Variants in IQCK observed in about 807,000 individuals in gnomAD.
IQCK encodes IQ motif containing K.
A neutral mutation model predicts 28.1 loss-of-function variants in IQCK; 29 were observed. The ratio of observed to expected loss-of-function variants is 1.03; its 90% CI spans 0.77 to 1.41. The LOEUF is 1.41. Ranked by LOEUF, IQCK falls within the 40% of genes most tolerant of loss-of-function variation. The pLI, the probability that IQCK is intolerant of heterozygous loss-of-function variation, is 0.00. For synonymous variants in IQCK, 113 were observed against 115.1 expected (o/e 0.98, Z 0.12); for missense variants, 359 against 314.7 (o/e 1.14, Z -1.07).
intron 7 of IQCK, among the ~76,000 whole-genome samples, chr16:19,822,001 G>C (rs1282045725): frequency 6.8e-6 from 1 of 147,150 alleles, no homozygotes; most frequent in African/African-American, 2.6e-5. Flanking sequence ...GGGAGGTGGA[G>C]GTTGCAGTGA....
intron 7 of IQCK, among the ~76,000 whole-genome samples, chr16:19,823,870 T>TTGCA (rs2056107742): frequency 6.6e-6 from 1 of 151,740 alleles, no homozygotes; most frequent in Admixed American, 6.6e-5. Context: ...GAGGCGGAGG[T>TTGCA]TGCAGTGAGG....
chr16:19,762,871 C>G (rs2151709036), intron 4 of IQCK, among the ~76,000 whole-genome samples: 1 of 152,138 alleles, frequency 6.6e-6, no homozygotes, highest in South Asian at 2.1e-4. Flanking sequence ...CAAAAATTAG[C>G]CAGGCGTGGT....
chr16:19,726,721 G>A (rs910749594), intron 1 of IQCK, among the ~76,000 whole-genome samples: 2 of 152,124 alleles, frequency 1.3e-5, no homozygotes, highest in South Asian at 2.1e-4. Flanking sequence ...AGTAACTTAC[G>A]ATATGGTTGG....
chr16:19,748,018 T>C (rs185716701), intron 4 of IQCK, among the ~76,000 whole-genome samples: 12 of 151,536 alleles, frequency 7.9e-5, no homozygotes, highest in Admixed American at 7.9e-4. Context: ...AAAGATTAAA[T>C]GAGCTAATGT....
In IQCK at chr16:19,730,482, G is replaced by A. The variant is rs1977797359; in HGVS notation, c.234G>A (p.Glu78=). 3.7e-6 allele frequency: 6 copies of A among 1,607,898 alleles called. No homozygotes were observed. The East Asian group carries it at 1.1e-4, about 30-fold the overall frequency. The change falls in exon 2 of 8, where the codon GAG becomes GAA. Residue 78 remains glutamate, a synonymous_variant. Coordinates refer to ENST00000564186, the Ensembl canonical transcript of IQCK. ...CAGAAGGATATAAAGTCAAACAGGA[G>A]CCTGTGATTACGGTGAGTATTACCT...
At chr16:19,740,422 G>A (rs1035413340) in intron 4 of IQCK, among the ~76,000 whole-genome samples, 11 of 152,194 alleles carry the variant, frequency 7.2e-5, no homozygotes, top group Non-Finnish European at 1.5e-4. Context: ...GGGTTGAAGA[G>A]TGGTCCCAGA....
intron 4 of IQCK, among the ~76,000 whole-genome samples, chr16:19,756,208 A>G (rs2055050034): frequency 6.6e-6 from 1 of 152,090 alleles, no homozygotes; most frequent in Non-Finnish European, 1.5e-5. Context: ...ATAGTTCACC[A>G]TATTCTTTTG....
chr16:19,820,231 A>T (rs2056051444), intron 7 of IQCK, among the ~76,000 whole-genome samples: 1 of 152,168 alleles, frequency 6.6e-6, no homozygotes, highest in South Asian at 2.1e-4. Flanking sequence ...AGATAATTTC[A>T]GGCCAGGCGC....
chr16:19,748,752 A>G (rs2151697006), intron 4 of IQCK, among the ~76,000 whole-genome samples: 1 of 152,306 alleles, frequency 6.6e-6, no homozygotes, highest in South Asian at 2.1e-4. Context: ...TTCTGAAAAT[A>G]CTAGTACCTT....
At chr16:19,820,466 G>A (rs1015743755) in intron 7 of IQCK, among the ~76,000 whole-genome samples, 11 of 152,038 alleles carry the variant, frequency 7.2e-5, no homozygotes, top group Non-Finnish European at 5.9e-5. Flanking sequence ...TGGCTAACAT[G>A]GTGAAACCCC....
chr16:19,802,942 C>T lies in IQCK; in HGVS notation c.690+14020C>T, dbSNP rs373966341. Among the ~76,000 whole-genome samples, 29 of 152,138 alleles carry T rather than the reference C, an allele frequency of 1.9e-4. No individual in the cohort carries two copies. In the South Asian group the frequency reaches 2.7e-3, roughly 14 times the overall value. On this transcript the variant is annotated intron_variant, in intron 7 of 7. Transcript: ENST00000564186. ...GAGGAATAAACACATACGACTTTTACGTAAGACTCGTTTATTTGAACCTAT... is the reference window on the plus strand; with the variant it reads ...GAGGAATAAACACATACGACTTTTATGTAAGACTCGTTTATTTGAACCTAT...
At chr16:19,807,037 T>C (rs1056696290) in intron 7 of IQCK, among the ~76,000 whole-genome samples, 1 of 152,220 alleles carries the variant, frequency 6.6e-6, no homozygotes, top group African/African-American at 2.4e-5. Flanking sequence ...GTGTGCCACA[T>C]CCAAGATTAG....
At chr16:19,751,526 A>T (rs911814575) in intron 4 of IQCK, among the ~76,000 whole-genome samples, 1 of 152,116 alleles carries the variant, frequency 6.6e-6, no homozygotes, top group Admixed American at 6.6e-5. Flanking sequence ...TGTTTGAAGG[A>T]GGGAGGCAAA....
chr16:19,837,238 A>C (rs1305745779), intron 9 of IQCK, among the ~76,000 whole-genome samples: 1 of 151,976 alleles, frequency 6.6e-6, no homozygotes, highest in Non-Finnish European at 1.5e-5. Flanking sequence ...CTATCTCTAC[A>C]AAAAATATGA....
At chr16:19,768,968 G>A (rs958700811) in intron 6 of IQCK, among the ~76,000 whole-genome samples, 2 of 152,144 alleles carry the variant, frequency 1.3e-5, no homozygotes. Flanking sequence ...TAGTTAAGAT[G>A]TCACAGGGGG....
At chr16:19,764,354 C>G (rs1236238738) in intron 6 of IQCK, 1 of 375,918 alleles carries the variant, frequency 2.7e-6, no homozygotes, top group Non-Finnish European at 4.8e-6. Flanking sequence ...AATTATTATC[C>G]TAAGTAATTT....
In IQCK at chr16:19,735,323, G is replaced by A. The variant is rs1353771990; in HGVS notation, c.377-30G>A. 8.5e-6 allele frequency: 13 copies of A among 1,523,276 alleles called. No homozygotes were observed. The African/African-American group carries it at 9.6e-5, about 11-fold the overall frequency. 94.4% of individuals were successfully genotyped at this position (1,523,276 alleles called of 1,614,324 possible). A position where few individuals can be genotyped will look rare whatever the true frequency, so the allele number is the denominator to read the frequency against. On this transcript the variant is annotated intron_variant, in intron 3 of 7. Transcript: ENST00000564186. ...GATTGGCTCGGGCCACTGGGGATTT[G>A]CAGGGGGAATTTTTGTTTGTTTGTT...
At chr16:19,762,729 C>T (rs2055166429) in intron 4 of IQCK, among the ~76,000 whole-genome samples, 1 of 152,122 alleles carries the variant, frequency 6.6e-6, no homozygotes, top group Non-Finnish European at 1.5e-5. Flanking sequence ...CCACTTATAA[C>T]TTTGGCCGGG....
chr16:19,768,663 T>C (rs542208053), intron 6 of IQCK, among the ~76,000 whole-genome samples: 40 of 152,264 alleles, frequency 2.6e-4, no homozygotes, highest in African/African-American at 9.1e-4. Flanking sequence ...GGAGATTTGC[T>C]TGAACCCAGG....
Sources: allele counts gnomAD v4.1 joint callset (sites outside exome capture counted in the v4.1 genomes callset), GRCh38; gene constraint gnomAD v4.1.1; transcripts MANE v1.5; gene names NCBI Gene and HGNC (gene_info 2026-07-23, HGNC 2026-07-21).